BEND5: variants seen among roughly 807,000 people sequenced by gnomAD.
The protein encoded by BEND5 is BEN domain containing 5.
A neutral mutation model predicts 43.9 loss-of-function variants in BEND5; 22 were observed. The observed-to-expected ratio is 0.50, with a 90% CI of 0.36 to 0.72. The LOEUF (loss-of-function observed/expected upper bound fraction) is 0.72, where lower values mean the gene tolerates loss of function less well. Ranked by LOEUF, BEND5 falls within the 30% of genes least tolerant of loss-of-function variation. BEND5 has a pLI of 0.00. For synonymous variants in BEND5, 228 were observed against 225.9 expected, an observed-to-expected ratio of 1.01 and a Z score of -0.08; for missense variants, 428 against 550.6, an observed-to-expected ratio of 0.78 and a Z score of 2.23.
chr1:48,744,770 T>A (rs1650464560), intron 3 of BEND5, among the ~76,000 whole-genome samples: 1 of 152,182 alleles, frequency 6.6e-6, no homozygotes, highest in Non-Finnish European at 1.5e-5. Flanking sequence ...ATGGCCTCCA[T>A]AAGGCCCAGA....
At chr1:48,761,134 G>T in intron 2 of BEND5, 1 of 555,582 alleles carries the variant, frequency 1.8e-6, no homozygotes, top group Non-Finnish European at 3.2e-6. Context: ...TGGTGGCACA[G>T]CATGAATCAG....
At chr1:48,760,548 C>T (rs1644202887) in intron 2 of BEND5, among the ~76,000 whole-genome samples, 1 of 152,178 alleles carries the variant, frequency 6.6e-6, no homozygotes, top group Non-Finnish European at 1.5e-5. Flanking sequence ...GTCTGCGTCA[C>T]TATAATGTGA....
intron 3 of BEND5, among the ~76,000 whole-genome samples, chr1:48,743,036 T>C (rs1355520555): frequency 1.3e-5 from 2 of 152,166 alleles, no homozygotes; most frequent in Non-Finnish European, 2.9e-5. Flanking sequence ...ATTGTCTAAA[T>C]GGAAAGGCAG....
intron 1 of BEND5, among the ~76,000 whole-genome samples, chr1:48,775,682 G>A (rs184229648): frequency 2.6e-5 from 4 of 152,324 alleles, no homozygotes; most frequent in Admixed American, 2.0e-4. Flanking sequence ...AAAGGAAAAG[G>A]TGTCTCAGCA....
intron 3 of BEND5, among the ~76,000 whole-genome samples, chr1:48,756,465 C>T (rs1417860992): frequency 1.3e-5 from 2 of 152,200 alleles, no homozygotes; most frequent in Non-Finnish European, 2.9e-5. Flanking sequence ...TGCAAATATA[C>T]TGAATTCTTA....
intron 3 of BEND5, among the ~76,000 whole-genome samples, chr1:48,743,183 C>G (rs1444031499): frequency 1.3e-5 from 2 of 152,192 alleles, no homozygotes; most frequent in South Asian, 2.1e-4. Context: ...AAGGCCGTAA[C>G]AGAAGAAGGG....
At chr1:48,748,644 G>A (rs558612953) in intron 3 of BEND5, among the ~76,000 whole-genome samples, 61 of 152,266 alleles carry the variant, frequency 4.0e-4, no homozygotes, top group African/African-American at 1.4e-3. Context: ...TAAGGTGAAG[G>A]CAAGTGGCAC....
rs1647371196 is a variant in BEND5 at position 48,727,563 on chromosome 1, C to T, written c.*323G>A. 1 of 177,362 alleles carries T rather than the reference C, an allele frequency of 5.6e-6. No individual in the cohort carries two copies. Among genetic ancestry groups the T allele is most frequent in the South Asian group, 1.8e-4 (1 of 5,488 alleles). 11.0% of individuals were successfully genotyped at this position (177,362 alleles called of 1,614,324 possible). A position where few individuals can be genotyped will look rare whatever the true frequency, so the allele number is the denominator to read the frequency against. On this transcript the variant is annotated 3_prime_UTR_variant, in exon 6 of 6. Transcript: ENST00000371833. Reference sequence around the variant, plus strand: ...AAATTTATTATAGAACAAAATAGAGCAACAAAGAAGTCCTTGGATAGTAAA... The same window carrying T: ...AAATTTATTATAGAACAAAATAGAGTAACAAAGAAGTCCTTGGATAGTAAA...
At chr1:48,747,911 G>T (rs904803659) in intron 3 of BEND5, among the ~76,000 whole-genome samples, 22 of 152,056 alleles carry the variant, frequency 1.4e-4, no homozygotes, top group African/African-American at 5.1e-4. Flanking sequence ...AATAATATTC[G>T]ATTCTTTTTT....
chr1:48,746,476 T>C (rs118117128), intron 3 of BEND5, among the ~76,000 whole-genome samples: 4 of 152,178 alleles, frequency 2.6e-5, no homozygotes, highest in Admixed American at 2.0e-4. Flanking sequence ...AAGGGACTGA[T>C]AGACTTCTGT....
chr1:48,742,891 A>G (rs980639740), intron 3 of BEND5, 120 bp from the exon 4 acceptor site: 1 of 969,166 alleles, frequency 1.0e-6, no homozygotes, highest in East Asian at 2.8e-5. Flanking sequence ...ATTTTTGTCC[A>G]TTGAACTACA....
chr1:48,756,478 C>T (rs1364175214), intron 3 of BEND5, among the ~76,000 whole-genome samples: 1 of 152,142 alleles, frequency 6.6e-6, no homozygotes, highest in Non-Finnish European at 1.5e-5. Context: ...AATTCTTACA[C>T]TAGGCTAGGT....
chr1:48,752,690 G>A (rs1272298827), intron 3 of BEND5, among the ~76,000 whole-genome samples: 1 of 152,068 alleles, frequency 6.6e-6, no homozygotes, highest in African/African-American at 2.4e-5. Context: ...TCTTGATGCA[G>A]TACCTACTGA....
chr1:48,735,804 C>A (rs570435242), intron 5 of BEND5, among the ~76,000 whole-genome samples: 4 of 152,016 alleles, frequency 2.6e-5, no homozygotes, highest in African/African-American at 9.7e-5. Context: ...AGCAGCATTC[C>A]TTTCCCATCT....
intron 3 of BEND5, among the ~76,000 whole-genome samples, chr1:48,756,568 G>A (rs1186732841): frequency 6.6e-6 from 1 of 152,228 alleles, no homozygotes; most frequent in African/African-American, 2.4e-5. Flanking sequence ...AAGGAAAGAA[G>A]GACATGAGCT....
chr1:48,730,817 T>C (rs1047926758), intron 5 of BEND5, among the ~76,000 whole-genome samples: 1 of 152,152 alleles, frequency 6.6e-6, no homozygotes, highest in Admixed American at 6.5e-5. Flanking sequence ...ATTAAAAAAG[T>C]TATAAAAATT....
intron 5 of BEND5, among the ~76,000 whole-genome samples, chr1:48,734,714 A>G (rs1399329410): frequency 6.6e-6 from 1 of 152,190 alleles, no homozygotes; most frequent in Admixed American, 6.5e-5. Context: ...TTGCAGCTCA[A>G]ATGTCACCTC....
chr1:48,769,193 A>T (rs1192552109), intron 1 of BEND5, among the ~76,000 whole-genome samples: 1 of 152,222 alleles, frequency 6.6e-6, no homozygotes, highest in East Asian at 1.9e-4. Flanking sequence ...GGGTAACAGT[A>T]GATGAGCTAG....
chr1:48,734,146 T>G (rs1257861632), intron 5 of BEND5, among the ~76,000 whole-genome samples: 1 of 152,144 alleles, frequency 6.6e-6, no homozygotes, highest in Non-Finnish European at 1.5e-5. Flanking sequence ...GACGAAAGGT[T>G]ACCTCTGATT....
Sources: allele counts gnomAD v4.1 joint callset (sites outside exome capture counted in the v4.1 genomes callset), GRCh38; gene constraint gnomAD v4.1.1; transcripts MANE v1.5; gene names NCBI Gene and HGNC (gene_info 2026-07-23, HGNC 2026-07-21).